The following HELB variants were observed in gnomAD, a reference collection of about 807,000 sequenced individuals.
The protein encoded by HELB is DNA helicase B, also known as DNA 5'-3' helicase B.
A neutral mutation model predicts 101.7 loss-of-function variants in HELB; 96 were observed. The observed-to-expected ratio is 0.94, with a 90% CI of 0.80 to 1.12. The LOEUF (loss-of-function observed/expected upper bound fraction) is 1.12. Ranked by LOEUF, HELB falls within the 50% of genes most tolerant of loss-of-function variation. The pLI, the probability that HELB is intolerant of heterozygous loss-of-function variation, is 0.00. For missense variants in HELB, 1,210 were observed against 1,291.9 expected (o/e 0.94, Z 0.97); for synonymous variants, 437 against 459.7 (o/e 0.95, Z 0.63).
chr12:66,340,543 A>G (rs1177073721), downstream of HELB: 2 of 151,734 alleles, frequency 1.3e-5, no homozygotes, highest in Non-Finnish European at 2.9e-5. Flanking sequence ...GTGGATATAA[A>G]AGGGACTTTA....
In HELB at chr12:66,331,550, G is replaced by T. The variant is rs1452561923; in HGVS notation, c.3067G>T (p.Asp1023Tyr). Residue 1023 changes from aspartate (D) to tyrosine (Y), a missense_variant, in exon 12 of 13, where the codon GAT becomes TAT. Asp to Tyr is a radical substitution (Grantham distance 160, BLOSUM62 -3). Around this residue, in one of 2 missense-constraint regions of HELB, gnomAD observed 740 missense variants for 728.8 expected, o/e 1.02. Transcript: ENST00000247815. ...TGAAAGATGGCAATTATCTTCACCT[G>T]ATGGAGTAGATACAGATGATGATTT... Reference protein sequence around the residue: ...FAERWQLSSPDGVDTDDDLPK... With the variant: ...FAERWQLSSPYGVDTDDDLPK... 6.2e-7 allele frequency: 1 copy of T among 1,613,934 alleles called. No homozygotes were observed. Among genetic ancestry groups the T allele is most frequent in the Non-Finnish European group, 8.5e-7 (1 of 1,179,958 alleles).
chr12:66,328,781 CTT>C (rs1475262738), intron 11 of HELB, among the ~76,000 whole-genome samples: 1 of 151,888 alleles, frequency 6.6e-6, no homozygotes, highest in Admixed American at 6.6e-5. Flanking sequence ...TTATTAATAA[CTT>C]AATATTGATT....
intron 12 of HELB, among the ~76,000 whole-genome samples, chr12:66,333,946 G>T (rs549306829): frequency 1.3e-5 from 2 of 151,800 alleles, no homozygotes; most frequent in Non-Finnish European, 2.9e-5. Flanking sequence ...AATCGCCTGA[G>T]CCCAGGAGTT....
rs149680578 is a variant in HELB at position 66,314,156 on chromosome 12, T to C, written c.1851T>C (p.Ile617=). ...AGCACTCCAAACTTTCTAAGCTTATTATCCTTGGTAAGTTAAAATATTGTT... is the reference window on the plus strand; with the variant it reads ...AGCACTCCAAACTTTCTAAGCTTATCATCCTTGGTAAGTTAAAATATTGTT... ...LCEHSKLSKL[I]ILGDIRQLPS... is the part of the protein sequence containing the mutation. The change falls in exon 5 of 13, where the codon ATT becomes ATC. Residue 617 remains isoleucine, a synonymous_variant. Coordinates refer to ENST00000247815, the MANE Select transcript of HELB (RefSeq NM_001370285.1). The C allele has an allele frequency of 3.3e-3, 5,297 of 1,611,586 alleles. 12 individuals are homozygous for C. Among genetic ancestry groups the C allele is most frequent in the Middle Eastern group, 4.8e-3 (29 of 6,004 alleles).
intron 11 of HELB, among the ~76,000 whole-genome samples, chr12:66,326,128 G>A (rs888960437): frequency 3.9e-5 from 6 of 152,088 alleles, no homozygotes; most frequent in Admixed American, 3.9e-4. Flanking sequence ...TTGCCTTTAT[G>A]CTTTATTTTA....
intron 2 of HELB, among the ~76,000 whole-genome samples, chr12:66,306,002 T>C (rs1046117584): frequency 3.3e-5 from 5 of 152,224 alleles, no homozygotes; most frequent in Admixed American, 2.6e-4. Context: ...TGAAGGTTAC[T>C]ATGTAAATTA....
chr12:66,310,005 T>A lies in HELB; in HGVS notation c.1077T>A (p.Ala359=), dbSNP rs371591766. Residue 359 remains alanine (A), a synonymous_variant, in exon 4 of 13, where the codon GCT becomes GCA. Coordinates refer to ENST00000247815, the MANE Select transcript of HELB (RefSeq NM_001370285.1). The part of the protein sequence containing the change: ...SCVFPYDLYH[A]ERAIAFSICD... ...TCTTCCCTTATGACCTTTACCATGCTGAAAGAGCCATCGCCTTTTCAATTT... is the reference window on the plus strand; with the variant it reads ...TCTTCCCTTATGACCTTTACCATGCAGAAAGAGCCATCGCCTTTTCAATTT... The A allele has an allele frequency of 1.2e-6, 2 of 1,614,116 alleles. No individual in the cohort carries two copies. Among genetic ancestry groups the A allele is most frequent in the Non-Finnish European group, 1.7e-6 (2 of 1,180,056 alleles).
chr12:66,333,305 G>C (rs2053829446), intron 12 of HELB, among the ~76,000 whole-genome samples: 1 of 152,182 alleles, frequency 6.6e-6, no homozygotes, highest in Admixed American at 6.5e-5. Flanking sequence ...TGTGAGCTGA[G>C]CACTGAATGT....
chr12:66,312,024 G>C (rs1475867861), intron 4 of HELB, among the ~76,000 whole-genome samples: 1 of 152,220 alleles, frequency 6.6e-6, no homozygotes, highest in African/African-American at 2.4e-5. Context: ...TCATTGACTG[G>C]AATGAAGCCT....
chr12:66,325,058 G>A lies in HELB; in HGVS notation c.2602G>A (p.Asp868Asn). Residue 868 changes from aspartate to asparagine, a missense_variant, in exon 11 of 13, where the codon GAT becomes AAT. By Grantham distance (23) the Asp-to-Asn change is conservative. Coordinates refer to ENST00000247815, the MANE Select transcript of HELB (RefSeq NM_001370285.1). ...TATGGCTGGCCTGGAAGTAACTGTGGATTTTAAGAAACTAATGAAATATTG... is the reference window on the plus strand; with the variant it reads ...TATGGCTGGCCTGGAAGTAACTGTGAATTTTAAGAAACTAATGAAATATTG... ...NNMAGLEVTV[D>N]FKKLMKYCRI... 6.2e-7 allele frequency: 1 copy of A among 1,613,814 alleles called. No homozygotes were observed. Among genetic ancestry groups the A allele is most frequent in the African/African-American group, 1.3e-5 (1 of 75,038 alleles).
chr12:66,326,726 T>C (rs1228463531), intron 11 of HELB, among the ~76,000 whole-genome samples: 1 of 37,666 alleles, frequency 2.7e-5, no homozygotes, highest in Non-Finnish European at 5.1e-5. Context: ...TTCAGCTGAT[T>C]TTTTTTTTTT....
chr12:66,338,786 AG>A (rs2053894360), downstream of HELB: 1 of 152,292 alleles, frequency 6.6e-6, no homozygotes, highest in Non-Finnish European at 1.5e-5. Context: ...GGCAAAGAAA[AG>A]GTGTAATTAC....
chr12:66,320,580 C>T lies in HELB; in HGVS notation c.2156-1368C>T, dbSNP rs569709436. On this transcript the variant is annotated intron_variant, in intron 7 of 12. Coordinates refer to ENST00000247815, the MANE Select transcript of HELB (RefSeq NM_001370285.1). ...TATTGTTGGTTTTATTTCTGGTACCCATTCTTTGCATTAATGAGAATGTAC... is the reference window on the plus strand; with the variant it reads ...TATTGTTGGTTTTATTTCTGGTACCTATTCTTTGCATTAATGAGAATGTAC... Among the ~76,000 whole-genome samples the T allele has an allele frequency of 6.6e-5, 10 of 152,234 alleles. No homozygotes were observed. In the East Asian group the frequency reaches 1.5e-3, roughly 23 times the overall value.
At chr12:66,311,563 A>C (rs747523926) in intron 4 of HELB, among the ~76,000 whole-genome samples, 1 of 152,204 alleles carries the variant, frequency 6.6e-6, no homozygotes, top group Non-Finnish European at 1.5e-5. Context: ...CTGGTTACAA[A>C]CATGTCACAG....
intron 3 of HELB, 104 bp from the exon 4 acceptor site, chr12:66,309,602 T>A (rs1592632219): frequency 1.5e-6 from 1 of 661,046 alleles, no homozygotes; most frequent in East Asian, 2.7e-5. Context: ...TCTGTAAATT[T>A]TGTTGAAGTT....
intron 12 of HELB, among the ~76,000 whole-genome samples, chr12:66,335,247 C>T (rs1397314793): frequency 3.3e-5 from 5 of 152,154 alleles, no homozygotes; most frequent in Non-Finnish European, 4.4e-5. Flanking sequence ...ACTTGGGAAT[C>T]ATTGGCATGT....
At chr12:66,337,745 T>A (rs1453564318) in intron 12 of HELB, among the ~76,000 whole-genome samples, 1 of 152,212 alleles carries the variant, frequency 6.6e-6, no homozygotes, top group Non-Finnish European at 1.5e-5. Context: ...CCTTTAGAAG[T>A]TAGACACACA....
Position 66,325,082 on chromosome 12 carries a change from T to C in HELB, c.2626T>C (p.Cys876Arg), listed in dbSNP as rs1436549072. ...GGATTTTAAGAAACTAATGAAATATTGTCGCATAAAACATGCATGGGCAAG... is the reference window on the plus strand; with the variant it reads ...GGATTTTAAGAAACTAATGAAATATCGTCGCATAAAACATGCATGGGCAAG... ...TVDFKKLMKY[C>R]RIKHAWARTI... The change falls in exon 11 of 13, where the codon TGT becomes CGT. Residue 876 changes from cysteine (C) to arginine (R), a missense_variant. Around this residue, in one of 2 missense-constraint regions of HELB, gnomAD observed 740 missense variants for 728.8 expected, o/e 1.02. Coordinates refer to ENST00000247815, the MANE Select transcript of HELB (RefSeq NM_001370285.1). 6.2e-7 allele frequency: 1 copy of C among 1,613,700 alleles called. No individual in the cohort carries two copies. The highest frequency in any genetic ancestry group is 2.2e-5 in the East Asian group (1 of 44,838).
Position 66,306,397 on chromosome 12 carries a change from C to T in HELB, c.660C>T (p.Phe220=), listed in dbSNP as rs1421930517. Residue 220 remains phenylalanine (F), a synonymous_variant, in exon 3 of 13, where the codon TTC becomes TTT. Transcript: ENST00000247815. ...TGCAGTTTCCGAAGATAATGGAATT[C>T]CTTCCAGTTCTTCTGCCTCGACACT... is the stretch of plus-strand genomic sequence containing the variant. ...TALQFPKIME[F]LPVLLPRHFK... The T allele has an allele frequency of 4.4e-6, 7 of 1,606,580 alleles. No individual in the cohort carries two copies. Among genetic ancestry groups the T allele is most frequent in the Non-Finnish European group, 5.9e-6 (7 of 1,176,490 alleles).
Sources: allele counts gnomAD v4.1 joint callset (sites outside exome capture counted in the v4.1 genomes callset), GRCh38; gene constraint gnomAD v4.1.1; regional missense constraint gnomAD v4.1.1; transcripts MANE v1.5; gene names NCBI Gene and HGNC (gene_info 2026-07-23, HGNC 2026-07-21).